Variants in CPAMD8 observed in about 807,000 individuals in gnomAD.
CPAMD8 encodes the protein C3 and PZP-like alpha-2-macroglobulin domain-containing protein 8.
In CPAMD8, 146 loss-of-function variants were observed where a neutral mutation model predicts 224.7. The observed-to-expected ratio is 0.65, with a 90% CI of 0.57 to 0.75. The LOEUF (loss-of-function observed/expected upper bound fraction) is 0.75. CPAMD8 is among the 30% of genes least tolerant of loss of function. CPAMD8 has a pLI of 0.00. For missense variants in CPAMD8, 2,301 were observed against 2,537.5 expected (o/e 0.91, Z 2.00); for synonymous variants, 966 against 1,044.6 (o/e 0.92, Z 1.45).
At chr19:16,914,558 T>C (rs2052863491) in intron 28 of CPAMD8, 60 bp from the exon 29 acceptor site, 2 of 1,608,764 alleles carry the variant, frequency 1.2e-6, no homozygotes, top group Admixed American at 3.3e-5. Context: ...TTCCCCCCAC[T>C]TCCCCCAGGC....
intron 29 of CPAMD8, among the ~76,000 whole-genome samples, chr19:16,912,787 T>C (rs1324272915): frequency 6.6e-6 from 1 of 151,644 alleles, no homozygotes; most frequent in Non-Finnish European, 1.5e-5. Context: ...ATATGTGTCA[T>C]AAAAGTGTAC....
At chr19:16,946,266 G>A (rs2054078472) in intron 21 of CPAMD8, among the ~76,000 whole-genome samples, 1 of 151,562 alleles carries the variant, frequency 6.6e-6, no homozygotes, top group African/African-American at 2.4e-5. Context: ...GTGGGCATGT[G>A]TGTGTGTGGA....
chr19:16,934,079 A>G (rs527490922), intron 23 of CPAMD8, among the ~76,000 whole-genome samples: 3 of 152,348 alleles, frequency 2.0e-5, no homozygotes, highest in African/African-American at 7.2e-5. Flanking sequence ...AGACAAAAAG[A>G]ATACATACGA....
Position 16,893,310 on chromosome 19 carries a change from C to T in CPAMD8, c.5456G>A (p.Ser1819Asn). The T allele has an allele frequency of 1.9e-6, 3 of 1,545,814 alleles. No individual in the cohort carries two copies. Among genetic ancestry groups the T allele is most frequent in the Non-Finnish European group, 2.6e-6 (3 of 1,143,848 alleles). ...RVTAGPRPPV[S>N]SGNLESSTQS... is the part of the protein sequence containing the mutation. ...GGTGCTGCTTTCCAGGTTCCCGCTG[C>T]TCACAGGAGGCCGAGGCCCGGCTGT... The change falls in exon 42 of 42, where the codon AGC (serine) becomes AAC (asparagine). Residue 1819 changes from serine to asparagine, a missense_variant. This residue lies in a region of CPAMD8 where 1,709 missense variants were observed against 1,753.2 expected (regional missense o/e 0.97). Coordinates refer to ENST00000443236, the MANE Select transcript of CPAMD8 (RefSeq NM_015692.5).
At chr19:16,945,082 G>T (rs114780114) in intron 22 of CPAMD8, among the ~76,000 whole-genome samples, 9 of 152,142 alleles carry the variant, frequency 5.9e-5, no homozygotes, top group Admixed American at 5.9e-4. Flanking sequence ...GATGCTTCCC[G>T]AGATCATGGG....
intron 18 of CPAMD8, among the ~76,000 whole-genome samples, chr19:16,961,661 G>A (rs2054661263): frequency 6.6e-6 from 1 of 152,208 alleles, no homozygotes; most frequent in African/African-American, 2.4e-5. Flanking sequence ...GAAGACAGCA[G>A]TCATTCTCCC....
intron 18 of CPAMD8, among the ~76,000 whole-genome samples, chr19:16,960,930 G>A (rs1403496583): frequency 6.6e-6 from 1 of 151,674 alleles, no homozygotes; most frequent in Admixed American, 6.6e-5. Flanking sequence ...TTCTGAAGAA[G>A]GGAATGGAGG....
intron 9 of CPAMD8, among the ~76,000 whole-genome samples, chr19:17,001,736 A>C (rs964444907): frequency 1.3e-5 from 2 of 151,322 alleles, no homozygotes; most frequent in African/African-American, 4.9e-5. Context: ...GAGGCCATGG[A>C]AGAAGTGTCT....
chr19:16,932,007 C>T (rs940129768), intron 23 of CPAMD8, among the ~76,000 whole-genome samples: 6 of 152,038 alleles, frequency 3.9e-5, no homozygotes, highest in Admixed American at 2.6e-4. Context: ...AACGTATAGA[C>T]ATCACTGTAA....
At chr19:16,919,028 T>A (rs967747590) in intron 27 of CPAMD8, among the ~76,000 whole-genome samples, 4 of 151,728 alleles carry the variant, frequency 2.6e-5, no homozygotes, top group African/African-American at 9.7e-5. Context: ...CATGGTGAAA[T>A]CCTGTCTCTA....
At chr19:16,949,510 C>T (rs73928407) in intron 20 of CPAMD8, among the ~76,000 whole-genome samples, 2,173 of 152,238 alleles carry the variant, frequency 0.014, 46 homozygotes, top group African/African-American at 0.049. Flanking sequence ...CACTACCTGG[C>T]CATTCTGAGT....
intron 26 of CPAMD8, among the ~76,000 whole-genome samples, chr19:16,924,218 T>C (rs2144920083): frequency 6.7e-6 from 1 of 150,160 alleles, no homozygotes; most frequent in African/African-American, 2.4e-5. Flanking sequence ...GTTTGTGGCA[T>C]TTTGTTGTGG....
chr19:17,015,567 G>T (rs938845016), intron 3 of CPAMD8, among the ~76,000 whole-genome samples: 1 of 152,126 alleles, frequency 6.6e-6, no homozygotes, highest in Non-Finnish European at 1.5e-5. Context: ...CCTGCCACCC[G>T]CAGGACCAGC....
At chr19:16,967,891 A>ATATATGTGCATATATACACACACATG (rs1568540018) in intron 18 of CPAMD8, among the ~76,000 whole-genome samples, 2 of 25,848 alleles carry the variant, frequency 7.7e-5, no homozygotes, top group Non-Finnish European at 4.0e-4. Flanking sequence ...ATACACACAC[A>ATATATGTGCATATATACACACACATG]TGTGTGTGTA....
chr19:16,908,434 C>T (rs1297023999), intron 29 of CPAMD8, among the ~76,000 whole-genome samples: 1 of 152,080 alleles, frequency 6.6e-6, no homozygotes, highest in Admixed American at 6.6e-5. Flanking sequence ...TCCCCAGCCT[C>T]CAGGCCTGGT....
Position 16,975,878 on chromosome 19 carries a change from G to A in CPAMD8, c.1908+124C>T, listed in dbSNP as rs143701954. ...AGGTTCCCTGAAAAATGAACCCGAC[G>A]GAGAAAGCGAATCTGGATTCAAATG... On this transcript the variant is annotated intron_variant, in intron 16 of 41. Transcript: ENST00000443236. 100 of 1,055,998 alleles carry A rather than the reference G, an allele frequency of 9.5e-5. No homozygotes were observed. In the East Asian group the frequency reaches 1.2e-3, roughly 13 times the overall value. The allele number at this position is 1,055,998 out of a possible 1,614,324, so 65.4% of individuals were successfully genotyped here. A position where few individuals can be genotyped will look rare whatever the true frequency, so the allele number is the denominator to read the frequency against.
Position 16,896,251 on chromosome 19 carries a change from TGCTGTAAAGGCCCCGGGGCCACA to T in CPAMD8, c.5328_5350del (p.Val1777GlyfsTer10). 6.2e-7 allele frequency: 1 copy of T among 1,613,512 alleles called. No individual in the cohort carries two copies. Among genetic ancestry groups the T allele is most frequent in the Non-Finnish European group, 8.5e-7 (1 of 1,179,946 alleles). On this transcript the variant is annotated frameshift_variant, in exon 41 of 42. Transcript: ENST00000443236. LOFTEE classifies it high-confidence loss of function. Reference sequence around the variant, plus strand: ...GCCGGCTCCATTCAGCTTCACGTCCTGCTGTAAAGGCCCCGGGGCCACAGAAGCCAGGTCATCCCCGTAGGTGG... The same window carrying T: ...GCCGGCTCCATTCAGCTTCACGTCCTGAAGCCAGGTCATCCCCGTAGGTGG...
intron 19 of CPAMD8, among the ~76,000 whole-genome samples, chr19:16,956,733 T>C (rs916924185): frequency 2.0e-5 from 3 of 151,898 alleles, no homozygotes; most frequent in Non-Finnish European, 2.9e-5. Context: ...AGTGGCGCCA[T>C]CTTGGCTCAC....
At chr19:16,973,853 C>T (rs866371411) in intron 17 of CPAMD8, among the ~76,000 whole-genome samples, 47 of 119,848 alleles carry the variant, frequency 3.9e-4, no homozygotes, top group African/African-American at 1.5e-3. Context: ...TTTTTTGAGA[C>T]GGAGTCTGGC....
Sources: gnomAD v4.1 joint callset for allele counts (sites outside exome capture counted in the v4.1 genomes callset) on GRCh38, gnomAD v4.1.1 for gene constraint, gnomAD v4.1.1 regional missense constraint, MANE v1.5 for transcripts, NCBI Gene and HGNC (gene_info 2026-07-23, HGNC 2026-07-21) for gene names.